The following DLGAP1 variants were observed in gnomAD, a reference collection of about 807,000 sequenced individuals.
The protein encoded by DLGAP1 is DLG associated protein 1.
Under a neutral mutation model 90.8 loss-of-function variants are expected in DLGAP1, and 11 were observed. That is an observed-to-expected ratio of 0.12 (90% CI 0.08 to 0.20). The LOEUF is 0.20. DLGAP1 is among the 10% of genes least tolerant of loss of function. DLGAP1 has a pLI of 1.00. For missense variants in DLGAP1, 1,050 were observed against 1,333.8 expected, an observed-to-expected ratio of 0.79 and a Z score of 3.31; for synonymous variants, 558 against 540.7, an observed-to-expected ratio of 1.03 and a Z score of -0.44.
intron 9 of DLGAP1, among the ~76,000 whole-genome samples, chr18:3,540,259 G>A (rs961986445): frequency 1.3e-5 from 2 of 151,884 alleles, no homozygotes; most frequent in African/African-American, 4.8e-5. Context: ...TTGAGGCCAG[G>A]AGTTCGAGAC....
intron 9 of DLGAP1, among the ~76,000 whole-genome samples, chr18:3,541,242 A>G (rs1304627768): frequency 1.3e-5 from 2 of 152,178 alleles, no homozygotes; most frequent in Admixed American, 6.5e-5. Context: ...AAAGAGAGAG[A>G]GAAAGAGAAG....
rs566035406 is a variant in DLGAP1 at position 3,876,852 on chromosome 18, A to G, written c.957+2260T>C. Reference sequence around the variant, plus strand: ...CAATAATGCTACTACTAAATCCCATACTTAAGCCTTTAAGATTTCATTCTC... The same window carrying G: ...CAATAATGCTACTACTAAATCCCATGCTTAAGCCTTTAAGATTTCATTCTC... On this transcript the variant is annotated intron_variant, in intron 4 of 12. Transcript: ENST00000315677. Among the ~76,000 whole-genome samples the G allele has an allele frequency of 2.0e-5, 3 of 152,356 alleles. No homozygotes were observed. In the East Asian group the frequency reaches 5.8e-4, roughly 29 times the overall value.
intron 2 of DLGAP1, among the ~76,000 whole-genome samples, chr18:4,078,152 A>C (rs377197340): frequency 8.5e-5 from 13 of 152,310 alleles, no homozygotes; most frequent in Middle Eastern, 3.4e-3. Context: ...GTTTTAGCAG[A>C]GTTACAATGG....
At chr18:3,932,498 G>T (rs1231815070) in intron 3 of DLGAP1, among the ~76,000 whole-genome samples, 1 of 152,186 alleles carries the variant, frequency 6.6e-6, no homozygotes, top group Non-Finnish European at 1.5e-5. Context: ...TTGCGGGGGA[G>T]CCTAGGCCCT....
At position 4,145,977 on chromosome 18, in the gene DLGAP1, T is replaced by TA. The variant is rs202023537; in HGVS notation, c.-159+5202dup. The stretch of plus-strand genomic sequence containing the variant: ...TAGAACCAGAGCTATCCCGTGTAGA[T>TA]AAAAAAAAATGCTGAATTTTTCCAC... On this transcript the variant is annotated intron_variant, in intron 2 of 12. Transcript: ENST00000315677. 9.9e-5 allele frequency among the ~76,000 whole-genome samples: 15 copies of TA among 151,518 alleles called. 1 individual carries two copies. The highest frequency in any genetic ancestry group is 2.4e-4 in the African/African-American group (10 of 41,344).
intron 2 of DLGAP1, among the ~76,000 whole-genome samples, chr18:4,103,273 C>T (rs2075808617): frequency 6.6e-6 from 1 of 152,154 alleles, no homozygotes; most frequent in Admixed American, 6.5e-5. Context: ...TGTAGAGGAA[C>T]TGGTATCTTG....
chr18:4,027,582 C>T (rs1251109512), intron 2 of DLGAP1, among the ~76,000 whole-genome samples: 1 of 148,852 alleles, frequency 6.7e-6, no homozygotes, highest in East Asian at 2.0e-4. Flanking sequence ...GGCACACTTA[C>T]CTAGTGAGCC....
intron 3 of DLGAP1, among the ~76,000 whole-genome samples, chr18:3,984,731 T>G (rs988140639): frequency 1.3e-5 from 2 of 152,136 alleles, no homozygotes; most frequent in African/African-American, 4.8e-5. Context: ...CAACTCCTAA[T>G]TGAATCCCCT....
At chr18:3,825,206 T>C (rs1465074029) in intron 4 of DLGAP1, among the ~76,000 whole-genome samples, 1 of 152,228 alleles carries the variant, frequency 6.6e-6, no homozygotes, top group African/African-American at 2.4e-5. Flanking sequence ...GTTCTCTTCT[T>C]TCACTTTAAA....
At chr18:4,333,397 G>A (rs527748500) in intron 1 of DLGAP1, among the ~76,000 whole-genome samples, 2 of 151,756 alleles carry the variant, frequency 1.3e-5, no homozygotes, top group South Asian at 4.1e-4. Context: ...TGCTTTTCAC[G>A]ATTCTACTCA....
intron 7 of DLGAP1, among the ~76,000 whole-genome samples, chr18:3,592,859 A>AG (rs1427883486): frequency 2.4e-5 from 3 of 127,634 alleles, no homozygotes; most frequent in Non-Finnish European, 4.8e-5. Flanking sequence ...AAAAAAAAAA[A>AG]AAAAAAAAGA....
chr18:3,635,326 C>A (rs1043337988), intron 7 of DLGAP1, among the ~76,000 whole-genome samples: 1 of 148,802 alleles, frequency 6.7e-6, no homozygotes, highest in Admixed American at 6.7e-5. Context: ...TTAGTAGAGA[C>A]GGGGTTTCAC....
At chr18:4,409,605 G>A (rs147532812) in intron 1 of DLGAP1, among the ~76,000 whole-genome samples, 21 of 152,162 alleles carry the variant, frequency 1.4e-4, no homozygotes, top group African/African-American at 4.1e-4. Flanking sequence ...TTTGATTATC[G>A]CCATTCTTAC....
intron 4 of DLGAP1, among the ~76,000 whole-genome samples, chr18:3,816,502 T>C (rs2067113791): frequency 1.3e-5 from 2 of 152,204 alleles, no homozygotes; most frequent in Admixed American, 1.3e-4. Context: ...CTATTCATGG[T>C]CTTGAAAACA....
At position 4,043,641 on chromosome 18, in the gene DLGAP1, T is replaced by C. The variant is rs2075008077; in HGVS notation, c.-158-38440A>G. Among the ~76,000 whole-genome samples the C allele has an allele frequency of 2.0e-5, 3 of 152,320 alleles. No homozygotes were observed. In the South Asian group the frequency reaches 6.2e-4, roughly 32 times the overall value. On this transcript the variant is annotated intron_variant, in intron 2 of 12. Transcript: ENST00000315677. ...CTTTTATACTTCAACATCCCCAGTT[T>C]GATTTAATAAGTCAGGAAAGCAAGC...
At chr18:3,597,944 A>G (rs1438451909) in intron 7 of DLGAP1, 1 of 152,598 alleles carries the variant, frequency 6.6e-6, no homozygotes, top group Non-Finnish European at 1.5e-5. Flanking sequence ...CAAAGGAAAA[A>G]CAGAAAAACG....
chr18:4,067,560 C>T (rs549965867), intron 2 of DLGAP1, among the ~76,000 whole-genome samples: 2 of 151,660 alleles, frequency 1.3e-5, no homozygotes, highest in Admixed American at 6.6e-5. Context: ...CTAACATAAC[C>T]CAGGAGAGAA....
At chr18:3,504,281 A>G (rs938074824) in intron 11 of DLGAP1, among the ~76,000 whole-genome samples, 2 of 152,230 alleles carry the variant, frequency 1.3e-5, no homozygotes, top group African/African-American at 4.8e-5. Flanking sequence ...GTTAGAATAG[A>G]TTTTAATACT....
At chr18:3,576,097 G>A (rs1285784797) in intron 8 of DLGAP1, among the ~76,000 whole-genome samples, 2 of 152,066 alleles carry the variant, frequency 1.3e-5, no homozygotes, top group East Asian at 1.9e-4. Flanking sequence ...TCGACACTGC[G>A]GCCAGGACTC....
Sources: allele counts gnomAD v4.1 joint callset (sites outside exome capture counted in the v4.1 genomes callset), GRCh38; gene constraint gnomAD v4.1.1; transcripts MANE v1.5; gene names NCBI Gene and HGNC (gene_info 2026-07-23, HGNC 2026-07-21).